The following SVOPL variants were observed in gnomAD, a reference collection of about 807,000 sequenced individuals.
SVOPL encodes the protein SVOP like, also known as putative transporter SVOPL.
SVOPL carries 60 observed loss-of-function variants against 61.0 expected under a neutral mutation model. That is an observed-to-expected ratio of 0.98 (90% CI 0.80 to 1.22). The LOEUF (loss-of-function observed/expected upper bound fraction) is 1.22. Ranked by LOEUF, SVOPL falls within the 50% of genes most tolerant of loss-of-function variation. The pLI is 0.00. For synonymous variants in SVOPL, 279 were observed against 250.0 expected (o/e 1.12, Z -1.09); for missense variants, 662 against 643.9 (o/e 1.03, Z -0.30).
intron 3 of SVOPL, among the ~76,000 whole-genome samples, chr7:138,673,132 G>A (rs1263004965): frequency 6.6e-6 from 1 of 151,112 alleles, no homozygotes; most frequent in Non-Finnish European, 1.5e-5. Context: ...ATGTTCTGTC[G>A]ATAACATTGA....
At chr7:138,631,349 C>T (rs1381351712) in intron 9 of SVOPL, among the ~76,000 whole-genome samples, 7 of 152,168 alleles carry the variant, frequency 4.6e-5, no homozygotes, top group African/African-American at 1.7e-4. Context: ...AATCCAATTA[C>T]ACACCTTAAG....
At chr7:138,670,640 C>A (rs913965477) in intron 4 of SVOPL, among the ~76,000 whole-genome samples, 4 of 152,172 alleles carry the variant, frequency 2.6e-5, no homozygotes, top group African/African-American at 7.2e-5. Flanking sequence ...AAATGCTTGC[C>A]TCCAAATTTT....
At chr7:138,656,339 T>TG in intron 7 of SVOPL, 109 bp downstream of exon 7, 1 of 1,097,512 alleles carries the variant, frequency 9.1e-7, no homozygotes, top group Non-Finnish European at 1.4e-6. Flanking sequence ...TGATACTCGC[T>TG]TAATTGCAGC....
chr7:138,667,308 T>C (rs1802290888), intron 4 of SVOPL, among the ~76,000 whole-genome samples: 1 of 152,212 alleles, frequency 6.6e-6, no homozygotes. Context: ...CTTGAAACCC[T>C]TCAAGATGCA....
Position 138,626,043 on chromosome 7 carries a change from G to T in SVOPL, c.1189C>A (p.Leu397Met). 6.2e-7 allele frequency: 1 copy of T among 1,614,066 alleles called. No homozygotes were observed. The highest frequency in any genetic ancestry group is 8.5e-7 in the Non-Finnish European group (1 of 1,180,020). The change falls in exon 13 of 16, where the codon CTG (leucine) becomes ATG (methionine). Residue 397 changes from leucine (L) to methionine (M), a missense_variant. Transcript: ENST00000674285. ...CTCAGCATGAAGAGGAAGCCAATCA[G>T]GCCGGCACTAGAAAACAGGAAGCGG... ...LLNICTSSAG[L>M]IGFLFMLRAL...
intron 1 of SVOPL, among the ~76,000 whole-genome samples, chr7:138,688,358 C>T (rs1802867570): frequency 6.6e-6 from 1 of 151,938 alleles, no homozygotes; most frequent in Admixed American, 6.6e-5. Context: ...CAACCTTTGC[C>T]TCCTGGGTTC....
intron 7 of SVOPL, among the ~76,000 whole-genome samples, chr7:138,651,863 G>A (rs1659794): frequency 0.31 from 46,562 of 151,930 alleles, 8,912 homozygotes; most frequent in African/African-American, 0.53. Flanking sequence ...TAATCCTATA[G>A]TGGTCTCTAA....
intron 7 of SVOPL, among the ~76,000 whole-genome samples, chr7:138,652,187 G>C (rs1478011107): frequency 6.6e-6 from 1 of 152,110 alleles, no homozygotes; most frequent in Non-Finnish European, 1.5e-5. Flanking sequence ...GAGCAGCTGG[G>C]ATTACAGGTG....
intron 14 of SVOPL, chr7:138,596,871 TTAACTTC>T (rs1438526859): frequency 7.3e-6 from 8 of 1,093,262 alleles, no homozygotes; most frequent in Non-Finnish European, 8.9e-6. Flanking sequence ...TTCAGCTTGC[TTAACTTC>T]TAACTCTCAC....
intron 1 of SVOPL, among the ~76,000 whole-genome samples, chr7:138,685,831 C>T (rs1001914174): frequency 2.0e-5 from 3 of 151,360 alleles, no homozygotes; most frequent in Non-Finnish European, 2.9e-5. Context: ...GAGATTGCAC[C>T]GCTGCCCTCC....
intron 7 of SVOPL, 106 bp from the exon 8 acceptor site, chr7:138,649,243 C>T: frequency 7.3e-7 from 1 of 1,378,998 alleles, no homozygotes; most frequent in Non-Finnish European, 9.6e-7. Context: ...CCTTCTGTCC[C>T]ATGTGCTTCA....
At chr7:138,599,156 AAC>A (rs1289685483) in intron 14 of SVOPL, among the ~76,000 whole-genome samples, 1,719 of 60,964 alleles carry the variant, frequency 0.028, 155 homozygotes, top group African/African-American at 0.19. Context: ...AAAAAAAAAA[AAC>A]CAAAAAAAAA....
intron 5 of SVOPL, chr7:138,660,759 G>A (rs1163383039): frequency 2.0e-6 from 2 of 985,144 alleles, no homozygotes; most frequent in African/African-American, 3.5e-5. Flanking sequence ...CTGCCAGGCT[G>A]ATGGTCAGAA....
chr7:138,596,715 G>C (rs1221571574), intron 14 of SVOPL, 185 bp from the exon 15 acceptor site: 2 of 1,312,412 alleles, frequency 1.5e-6, no homozygotes, highest in South Asian at 1.8e-5. Flanking sequence ...TGTGTGATTA[G>C]TCCAAGAACA....
At chr7:138,608,748 T>C (rs1423206561) in intron 14 of SVOPL, among the ~76,000 whole-genome samples, 1 of 151,510 alleles carries the variant, frequency 6.6e-6, no homozygotes, top group Non-Finnish European at 1.5e-5. Context: ...AGAAAAGAGG[T>C]GTGTGTTTTT....
At chr7:138,641,045 A>G (rs1450183013) in intron 9 of SVOPL, among the ~76,000 whole-genome samples, 1 of 152,006 alleles carries the variant, frequency 6.6e-6, no homozygotes, top group Non-Finnish European at 1.5e-5. Flanking sequence ...TTTACAAGAA[A>G]TTTAAAAATT....
intron 14 of SVOPL, among the ~76,000 whole-genome samples, chr7:138,616,763 G>A (rs942547601): frequency 2.0e-5 from 3 of 152,058 alleles, no homozygotes; most frequent in Non-Finnish European, 4.4e-5. Flanking sequence ...TGTTCTTAAA[G>A]TTTTTCAGTG....
rs145541019 is a variant in SVOPL, at chr7:138,653,658, C to T, written c.534+2790G>A. On this transcript the variant is annotated intron_variant, in intron 7 of 15. Transcript: ENST00000674285. ...CTCAACTAAAGAAAAAATACAGGGC[C>T]GGGCATGGCGGCTCAGCCTGTAATC... Among the ~76,000 whole-genome samples the T allele has an allele frequency of 4.7e-3, 712 of 151,946 alleles. 8 individuals are homozygous for T. The highest frequency in any genetic ancestry group is 0.016 in the African/African-American group (659 of 41,476).
chr7:138,659,356 G>GA (rs756292564), intron 6 of SVOPL, among the ~76,000 whole-genome samples: 9 of 152,122 alleles, frequency 5.9e-5, no homozygotes, highest in Non-Finnish European at 1.2e-4. Flanking sequence ...AGCCGGGCAT[G>GA]ATGGCAGGCA....
Sources: gnomAD v4.1 joint callset for allele counts (sites outside exome capture counted in the v4.1 genomes callset) on GRCh38, gnomAD v4.1.1 for gene constraint, MANE v1.5 for transcripts, NCBI Gene and HGNC (gene_info 2026-07-23, HGNC 2026-07-21) for gene names.